The following UBE3A variants were observed in gnomAD, a reference collection of about 807,000 sequenced individuals.
The protein encoded by UBE3A is ubiquitin-protein ligase E3A.
A neutral mutation model predicts 83.4 loss-of-function variants in UBE3A; 6 were observed. The observed-to-expected ratio is 0.07, with a 90% CI of 0.04 to 0.14. The LOEUF (loss-of-function observed/expected upper bound fraction) is 0.14, where lower values mean the gene tolerates loss of function less well. UBE3A is among the 10% of genes least tolerant of loss of function. The pLI is 1.00. For missense variants in UBE3A, 456 were observed against 1,036.1 expected (o/e 0.44, Z 7.69); for synonymous variants, 337 against 355.4 (o/e 0.95, Z 0.58).
At chr15:25,408,501 T>C (rs1417753439) in intron 3 of UBE3A, 1 of 1,331,988 alleles carries the variant, frequency 7.5e-7, no homozygotes, top group East Asian at 2.3e-5. Flanking sequence ...TAATAAAATG[T>C]AAATCTCAGA....
rs1235055290 is a variant in UBE3A, at chr15:25,336,896, G to C, written c.*2241C>G. On this transcript the variant is annotated 3_prime_UTR_variant, in exon 13 of 13. Coordinates refer to ENST00000648336, the MANE Select transcript of UBE3A (RefSeq NM_130839.5). The stretch of plus-strand genomic sequence containing the variant: ...CTTTTATAACATAACATTTGGGGTA[G>C]AGGAAGTATCCACTGTAGTCAAAAT... The C allele has an allele frequency of 6.6e-6, 1 of 152,084 alleles. No homozygotes were observed. The highest frequency in any genetic ancestry group is 1.5e-5 in the Non-Finnish European group (1 of 68,012). The allele number at this position is 152,084 out of a possible 1,614,324, so 9.4% of individuals were successfully genotyped here.
chr15:25,391,078 CAAG>C, intron 4 of UBE3A, among the ~76,000 whole-genome samples: 1 of 152,092 alleles, frequency 6.6e-6, no homozygotes, highest in South Asian at 2.1e-4. Flanking sequence ...TTACAATATT[CAAG>C]AAGTGGAAGG....
intron 4 of UBE3A, among the ~76,000 whole-genome samples, chr15:25,394,093 T>C (rs1249463192): frequency 6.6e-6 from 1 of 152,186 alleles, no homozygotes; most frequent in African/African-American, 2.4e-5. Flanking sequence ...TATACCACTT[T>C]TAAGATAATT....
At chr15:25,418,956 T>G (rs927892479) in intron 1 of UBE3A, 3 of 152,176 alleles carry the variant, frequency 2.0e-5, no homozygotes, top group African/African-American at 7.2e-5. Context: ...GGCATGGTAT[T>G]TGCATATAAC....
chr15:25,350,351 C>T (rs1231506744), intron 11 of UBE3A, among the ~76,000 whole-genome samples: 2 of 151,170 alleles, frequency 1.3e-5, no homozygotes, highest in African/African-American at 4.9e-5. Context: ...GCCCTGCACC[C>T]GCCAACACAC....
At chr15:25,432,065 A>G (rs1324479500) in intron 1 of UBE3A, among the ~76,000 whole-genome samples, 1 of 152,230 alleles carries the variant, frequency 6.6e-6, no homozygotes, top group Middle Eastern at 3.2e-3. Flanking sequence ...GAGACAAAAA[A>G]GTATTTGTTG....
rs1401770827 is a variant in UBE3A at position 25,336,279 on chromosome 15, T to G, written c.*2858A>C. 1 of 151,798 alleles carries G rather than the reference T, an allele frequency of 6.6e-6. No homozygotes were observed. Among genetic ancestry groups the G allele is most frequent in the African/African-American group, 2.4e-5 (1 of 41,304 alleles). The allele number at this position is 151,798 out of a possible 1,614,324, so 9.4% of individuals were successfully genotyped here. On this transcript the variant is annotated 3_prime_UTR_variant, in exon 13 of 13. Transcript: ENST00000648336. Reference sequence around the variant, plus strand: ...ATGGCCCTTAGACACTGGCGGAAAGTCAGAGAAAAAAAATTACAGTAAGCA... The same window carrying G: ...ATGGCCCTTAGACACTGGCGGAAAGGCAGAGAAAAAAAATTACAGTAAGCA...
chr15:25,421,346 G>A (rs1332435787), intron 1 of UBE3A, among the ~76,000 whole-genome samples: 3 of 152,178 alleles, frequency 2.0e-5, no homozygotes, highest in Non-Finnish European at 2.9e-5. Context: ...TGCAGCACCA[G>A]GGGCCAAATA....
intron 1 of UBE3A, among the ~76,000 whole-genome samples, chr15:25,430,753 T>C (rs971894049): frequency 6.6e-6 from 1 of 152,210 alleles, no homozygotes; most frequent in African/African-American, 2.4e-5. Flanking sequence ...ACATTTACTG[T>C]TTTCTTATAA....
At chr15:25,360,318 A>G in intron 7 of UBE3A, 65 bp downstream of exon 7, 1 of 1,601,640 alleles carries the variant, frequency 6.2e-7, no homozygotes, top group Non-Finnish European at 8.5e-7. Flanking sequence ...TTTACAAAGT[A>G]AGATAAACAA....
At chr15:25,385,551 T>G (rs999196971) in intron 4 of UBE3A, among the ~76,000 whole-genome samples, 3 of 152,042 alleles carry the variant, frequency 2.0e-5, no homozygotes, top group South Asian at 2.1e-4. Context: ...CTCAAAAAAT[T>G]TGAAATAGAA....
intron 1 of UBE3A, among the ~76,000 whole-genome samples, chr15:25,431,087 T>G (rs1218008652): frequency 1.3e-5 from 2 of 152,212 alleles, no homozygotes; most frequent in Admixed American, 6.5e-5. Context: ...ACACTACACT[T>G]AAGTGTTCTT....
chr15:25,398,341 TCA>T (rs2086089360), intron 4 of UBE3A, among the ~76,000 whole-genome samples: 1 of 152,044 alleles, frequency 6.6e-6, no homozygotes. Flanking sequence ...AAATCTACTC[TCA>T]GTGATTTCCA....
At chr15:25,380,283 G>A (rs955799567) in intron 4 of UBE3A, among the ~76,000 whole-genome samples, 1 of 151,926 alleles carries the variant, frequency 6.6e-6, no homozygotes, top group African/African-American at 2.4e-5. Context: ...TCAGCAGCGT[G>A]AAAAAGGACT....
chr15:25,369,833 C>T (rs2080008132), intron 6 of UBE3A, among the ~76,000 whole-genome samples: 1 of 152,152 alleles, frequency 6.6e-6, no homozygotes, highest in African/African-American at 2.4e-5. Context: ...GCAACCCCAT[C>T]TGGAAAACCA....
intron 4 of UBE3A, 121 bp downstream of exon 4, chr15:25,405,340 A>G: frequency 8.3e-7 from 1 of 1,198,496 alleles, no homozygotes. Context: ...CCTATCTCCC[A>G]TTTACTGCTA....
intron 11 of UBE3A, among the ~76,000 whole-genome samples, chr15:25,341,643 A>G (rs1252203101): frequency 6.6e-6 from 1 of 151,182 alleles, no homozygotes; most frequent in East Asian, 2.0e-4. Flanking sequence ...GATGCCTGTA[A>G]TCTCAGCTAC....
chr15:25,378,911 A>G (rs2081684694), intron 4 of UBE3A, among the ~76,000 whole-genome samples: 1 of 152,148 alleles, frequency 6.6e-6, no homozygotes, highest in African/African-American at 2.4e-5. Context: ...TTTCTCTCTA[A>G]TTTGTTGAGG....
At chr15:25,392,064 A>C (rs1030288387) in intron 4 of UBE3A, among the ~76,000 whole-genome samples, 1 of 152,208 alleles carries the variant, frequency 6.6e-6, no homozygotes, top group Non-Finnish European at 1.5e-5. Context: ...CAAAACCAGA[A>C]GGCATAAGCT....
Sources: gnomAD v4.1 joint callset for allele counts (sites outside exome capture counted in the v4.1 genomes callset) on GRCh38, gnomAD v4.1.1 for gene constraint, MANE v1.5 for transcripts, NCBI Gene and HGNC (gene_info 2026-07-23, HGNC 2026-07-21) for gene names.